NOS1AP: variants seen among roughly 807,000 people sequenced by gnomAD.
The protein encoded by NOS1AP is carboxyl-terminal PDZ ligand of neuronal nitric oxide synthase protein.
In NOS1AP, 21 loss-of-function variants were observed where a neutral mutation model predicts 56.2. The ratio of observed to expected loss-of-function variants is 0.37; its 90% CI spans 0.26 to 0.54. The LOEUF is 0.54. Among genes scored for constraint, NOS1AP ranks in the 20% least tolerant of loss-of-function variants. The probability of loss-of-function intolerance (pLI) is 0.84; values close to 1 mark genes in which losing one functional copy is unlikely to be tolerated. For missense variants in NOS1AP, 522 were observed against 657.8 expected (o/e 0.79, Z 2.26); for synonymous variants, 270 against 274.6 (o/e 0.98, Z 0.17).
At chr1:162,186,177 A>G (rs137961811) in intron 2 of NOS1AP, among the ~76,000 whole-genome samples, 45 of 152,346 alleles carry the variant, frequency 3.0e-4, no homozygotes, top group African/African-American at 1.0e-3. Flanking sequence ...CAGTGAAGCA[A>G]CATTCTGGTT....
intron 1 of NOS1AP, among the ~76,000 whole-genome samples, chr1:162,133,682 C>G (rs1432074276): frequency 6.6e-6 from 1 of 152,148 alleles, no homozygotes; most frequent in Non-Finnish European, 1.5e-5. Flanking sequence ...TTTTATTGGA[C>G]TATTTTATGA....
chr1:162,250,260 T>A (rs1653806129), intron 2 of NOS1AP, among the ~76,000 whole-genome samples: 1 of 152,168 alleles, frequency 6.6e-6, no homozygotes, highest in African/African-American at 2.4e-5. Flanking sequence ...TGTTATCTGA[T>A]CATTGAAGTT....
chr1:162,351,632 A>G (rs1657497953), intron 6 of NOS1AP, among the ~76,000 whole-genome samples: 1 of 152,128 alleles, frequency 6.6e-6, no homozygotes, highest in Non-Finnish European at 1.5e-5. Flanking sequence ...ATTATCTGCT[A>G]TTGCTGACTT....
chr1:162,263,286 C>G (rs1363435607), intron 2 of NOS1AP, among the ~76,000 whole-genome samples: 4 of 151,810 alleles, frequency 2.6e-5, no homozygotes, highest in Non-Finnish European at 5.9e-5. Flanking sequence ...AATTTAAGAT[C>G]ACGGTACTGG....
chr1:162,287,554 T>C (rs1288157002), intron 3 of NOS1AP, 118 bp downstream of exon 3: 1 of 775,404 alleles, frequency 1.3e-6, no homozygotes, highest in African/African-American at 1.7e-5. Flanking sequence ...TGGCAAGCTC[T>C]TCTGCTTTGA....
rs564198551 is a variant in NOS1AP, at chr1:162,079,840, T to TA, written c.105+9564dup. 3.5e-4 allele frequency among the ~76,000 whole-genome samples: 53 copies of TA among 152,320 alleles called. 1 individual carries two copies. The highest frequency in any genetic ancestry group is 1.1e-3 in the African/African-American group (44 of 41,572). On this transcript the variant is annotated intron_variant, in intron 1 of 9. Transcript: ENST00000361897. ...ATTATCTTCATTATACATGCCTGCT[T>TA]AAAAAATCTAGCTGCAGCTACTCTG...
intron 2 of NOS1AP, among the ~76,000 whole-genome samples, chr1:162,277,104 G>A (rs1654759245): frequency 6.6e-6 from 1 of 152,088 alleles, no homozygotes; most frequent in Admixed American, 6.5e-5. Flanking sequence ...AAGAACCCTT[G>A]GCTCTCCCCA....
intron 2 of NOS1AP, among the ~76,000 whole-genome samples, chr1:162,236,098 C>T (rs1449988339): frequency 2.0e-5 from 3 of 152,168 alleles, no homozygotes; most frequent in South Asian, 2.1e-4. Flanking sequence ...CTCATTCATT[C>T]GTTCCACAGA....
intron 1 of NOS1AP, among the ~76,000 whole-genome samples, chr1:162,129,224 C>G (rs1037487056): frequency 6.6e-6 from 1 of 152,088 alleles, no homozygotes; most frequent in East Asian, 1.9e-4. Context: ...TCTGTCTTTC[C>G]TCAGGATTCT....
intron 2 of NOS1AP, among the ~76,000 whole-genome samples, chr1:162,234,493 G>A (rs548052932): frequency 5.3e-5 from 8 of 152,142 alleles, no homozygotes; most frequent in African/African-American, 1.9e-4. Flanking sequence ...TTGTGAAGTT[G>A]GCAAGATCAT....
At chr1:162,332,113 C>T (rs1160226755) in intron 4 of NOS1AP, among the ~76,000 whole-genome samples, 2 of 152,338 alleles carry the variant, frequency 1.3e-5, no homozygotes, top group East Asian at 1.9e-4. Flanking sequence ...AACCACACTC[C>T]GTTGAGCCTC....
chr1:162,286,882 T>G (rs1461204775), intron 2 of NOS1AP, among the ~76,000 whole-genome samples: 1 of 152,200 alleles, frequency 6.6e-6, no homozygotes, highest in Non-Finnish European at 1.5e-5. Context: ...TTTTAGAGAG[T>G]AATTGAGAAT....
chr1:162,248,300 G>A (rs894339066), intron 2 of NOS1AP, among the ~76,000 whole-genome samples: 1 of 152,174 alleles, frequency 6.6e-6, no homozygotes, highest in Non-Finnish European at 1.5e-5. Flanking sequence ...ACTCAGGCAT[G>A]TGAAGTGCCC....
intron 2 of NOS1AP, among the ~76,000 whole-genome samples, chr1:162,204,083 C>T (rs566432834): frequency 2.6e-3 from 278 of 108,758 alleles, no homozygotes; most frequent in African/African-American, 9.2e-3. Context: ...CTTGTTAGTG[C>T]GTGCCCATTT....
intron 2 of NOS1AP, among the ~76,000 whole-genome samples, chr1:162,251,600 ATATG>A (rs987550531): frequency 1.0e-4 from 10 of 99,938 alleles, no homozygotes; most frequent in African/African-American, 2.5e-4. Context: ...TAAAATATAT[ATATG>A]TGTGTGTGTG....
At chr1:162,266,206 G>A (rs1654415636) in intron 2 of NOS1AP, among the ~76,000 whole-genome samples, 2 of 152,194 alleles carry the variant, frequency 1.3e-5, no homozygotes, top group African/African-American at 2.4e-5. Context: ...CGCAGGAGAA[G>A]CAGCAGTGTG....
chr1:162,195,061 C>T (rs1021358010), intron 2 of NOS1AP, among the ~76,000 whole-genome samples: 3 of 152,102 alleles, frequency 2.0e-5, no homozygotes, highest in South Asian at 2.1e-4. Flanking sequence ...TCACGGAAGC[C>T]GCTTAGCAGT....
chr1:162,085,999 C>A (rs1452766290), intron 1 of NOS1AP, among the ~76,000 whole-genome samples: 2 of 152,074 alleles, frequency 1.3e-5, no homozygotes, highest in Non-Finnish European at 2.9e-5. Flanking sequence ...CAATTCTGGA[C>A]AAAAATGAGC....
At chr1:162,251,869 G>T (rs140374245) in intron 2 of NOS1AP, among the ~76,000 whole-genome samples, 1,739 of 82,042 alleles carry the variant, frequency 0.021, 11 homozygotes, top group Middle Eastern at 0.11. Flanking sequence ...TTTTTTTTTT[G>T]TTTTTTTTTT....
Sources: allele counts gnomAD v4.1 joint callset (sites outside exome capture counted in the v4.1 genomes callset), GRCh38; gene constraint gnomAD v4.1.1; transcripts MANE v1.5; gene names NCBI Gene and HGNC (gene_info 2026-07-23, HGNC 2026-07-21).